Variants in EYS observed in about 807,000 individuals in gnomAD.
EYS encodes protein eyes shut homolog.
A neutral mutation model predicts 282.1 loss-of-function variants in EYS; 250 were observed. The ratio of observed to expected loss-of-function variants is 0.89; its 90% CI spans 0.80 to 0.98. The LOEUF (loss-of-function observed/expected upper bound fraction) is 0.98. EYS is among the 50% of genes least tolerant of loss of function. The pLI is 0.00. For missense variants in EYS, 4,016 were observed against 3,709.0 expected, an observed-to-expected ratio of 1.08 and a Z score of -2.15; for synonymous variants, 1,355 against 1,282.9, an observed-to-expected ratio of 1.06 and a Z score of -1.20.
chr6:65,325,157 C>T (rs1307343381), intron 11 of EYS, among the ~76,000 whole-genome samples: 1 of 151,908 alleles, frequency 6.6e-6, no homozygotes. Flanking sequence ...ATAAACTTCT[C>T]CTCCTCCTCC....
In EYS at chr6:65,281,700, C is replaced by T. The variant is rs560957768; in HGVS notation, c.2023+14163G>A. 5.1e-4 allele frequency among the ~76,000 whole-genome samples: 78 copies of T among 152,172 alleles called. 1 individual carries two copies. Among genetic ancestry groups the T allele is most frequent in the African/African-American group, 1.8e-3 (76 of 41,546 alleles). ...GAGAGAGAAAAACCATATATTTCTA[C>T]TAGGCCTCATATCAGAAAGAGAATA... On this transcript the variant is annotated intron_variant, in intron 12 of 42. Transcript: ENST00000503581.
rs577867856 is a variant in EYS, at chr6:63,848,171, T to C, written c.7228+16015A>G. Among the ~76,000 whole-genome samples, 3 of 152,244 alleles carry C rather than the reference T, an allele frequency of 2.0e-5. No individual in the cohort carries two copies. In the South Asian group the frequency reaches 6.2e-4, roughly 32 times the overall value. On this transcript the variant is annotated intron_variant, in intron 36 of 42. Coordinates refer to ENST00000503581, the MANE Select transcript of EYS (RefSeq NM_001142800.2). ...CCGTAAAACATACATGCATGTTTAA[T>C]CCTTGACTTTTTACGATGAGATTGC...
At chr6:64,693,705 G>T (rs1770478706) in intron 22 of EYS, among the ~76,000 whole-genome samples, 1 of 151,914 alleles carries the variant, frequency 6.6e-6, no homozygotes, top group Non-Finnish European at 1.5e-5. Context: ...ATGTCTTGAG[G>T]GTTGGGAACG....
Position 64,114,035 on chromosome 6 carries a change from A to G in EYS, c.6425-32033T>C, listed in dbSNP as rs554142148. Among the ~76,000 whole-genome samples the G allele has an allele frequency of 5.9e-5, 9 of 152,310 alleles. No individual in the cohort carries two copies. The East Asian group carries it at 1.7e-3, about 29-fold the overall frequency. On this transcript the variant is annotated intron_variant, in intron 31 of 42. Transcript: ENST00000503581. The stretch of plus-strand genomic sequence containing the variant: ...CCTGCTAAACCTAAAATAATTTACT[A>G]CCTGGCCCTTTACAGAAAAAAACTT...
intron 22 of EYS, among the ~76,000 whole-genome samples, chr6:64,626,621 C>T (rs1767619092): frequency 6.6e-6 from 1 of 152,112 alleles, no homozygotes; most frequent in Admixed American, 6.6e-5. Flanking sequence ...TAACATTATG[C>T]AGCCCTAAGT....
chr6:64,470,423 A>C (rs1355434840), intron 26 of EYS, among the ~76,000 whole-genome samples: 1 of 152,222 alleles, frequency 6.6e-6, no homozygotes, highest in African/African-American at 2.4e-5. Flanking sequence ...TTATTTAAAA[A>C]TAACTAAATA....
In EYS at chr6:64,229,960, GACA is replaced by G. The variant is rs141434127; in HGVS notation, c.6424+629_6424+631del. Among the ~76,000 whole-genome samples the G allele has an allele frequency of 2.5e-3, 386 of 152,276 alleles. 1 individual carries two copies. Among genetic ancestry groups the G allele is most frequent in the African/African-American group, 8.9e-3 (368 of 41,558 alleles). On this transcript the variant is annotated intron_variant, in intron 31 of 42. Coordinates refer to ENST00000503581, the MANE Select transcript of EYS (RefSeq NM_001142800.2). ...ATGACACTTCAGCTATCAGTGCAAG[GACA>G]ACAAGTCAGCTGCAGCATGACTTAA...
chr6:64,457,111 AATTT>A (rs1387522313), intron 26 of EYS, among the ~76,000 whole-genome samples: 1 of 151,756 alleles, frequency 6.6e-6, no homozygotes, highest in Non-Finnish European at 1.5e-5. Context: ...ACTTCCTTTC[AATTT>A]ATTTATTAAC....
chr6:63,860,525 G>A (rs567557738), intron 36 of EYS, among the ~76,000 whole-genome samples: 1 of 152,336 alleles, frequency 6.6e-6, no homozygotes, highest in South Asian at 2.1e-4. Context: ...AGCCAATTGT[G>A]AGACTTTTTG....
At chr6:64,585,114 T>C (rs1294362171) in intron 26 of EYS, among the ~76,000 whole-genome samples, 1 of 152,040 alleles carries the variant, frequency 6.6e-6, no homozygotes, top group African/African-American at 2.4e-5. Flanking sequence ...GTGGTGCGTA[T>C]ACATCATTGA....
chr6:65,360,902 T>A (rs1764678825), intron 8 of EYS, among the ~76,000 whole-genome samples: 1 of 152,058 alleles, frequency 6.6e-6, no homozygotes, highest in South Asian at 2.1e-4. Flanking sequence ...TCATTCTGGA[T>A]GAAGGCATGT....
At position 64,808,662 on chromosome 6, in the gene EYS, T is replaced by G. The variant is rs1764507799; in HGVS notation, c.3443+4716A>C. ...TCTTTCTTCATCAAAATACAACTCT[T>G]CTGTGTTGATATCTGTGCTAACTAC... is the stretch of plus-strand genomic sequence containing the variant. On this transcript the variant is annotated intron_variant, in intron 22 of 42. Coordinates refer to ENST00000503581, the MANE Select transcript of EYS (RefSeq NM_001142800.2). 2.6e-5 allele frequency among the ~76,000 whole-genome samples: 4 copies of G among 152,030 alleles called. No individual in the cohort carries two copies. In the South Asian group the frequency reaches 8.3e-4, roughly 31 times the overall value.
At chr6:64,290,048 C>G (rs2150365215) in intron 30 of EYS, among the ~76,000 whole-genome samples, 2 of 152,128 alleles carry the variant, frequency 1.3e-5, no homozygotes, top group Middle Eastern at 3.4e-3. Context: ...AGCTGAATGC[C>G]TTTGGGAATT....
At chr6:63,839,613 T>C (rs1055833643) in intron 36 of EYS, among the ~76,000 whole-genome samples, 1 of 152,176 alleles carries the variant, frequency 6.6e-6, no homozygotes, top group Non-Finnish European at 1.5e-5. Context: ...CCTCCCAAAG[T>C]GCTGACATTA....
At chr6:64,973,835 T>C (rs1770381722) in intron 14 of EYS, among the ~76,000 whole-genome samples, 1 of 152,050 alleles carries the variant, frequency 6.6e-6, no homozygotes, top group East Asian at 1.9e-4. Flanking sequence ...AAATGGGCTT[T>C]ATTATAATTT....
rs554145540 is a variant in EYS at position 64,454,838 on chromosome 6, T to G, written c.5645-15486A>C. Among the ~76,000 whole-genome samples, 4 of 152,302 alleles carry G rather than the reference T, an allele frequency of 2.6e-5. No homozygotes were observed. The East Asian group carries it at 7.7e-4, about 29-fold the overall frequency. On this transcript the variant is annotated intron_variant, in intron 26 of 42. Coordinates refer to ENST00000503581, the MANE Select transcript of EYS (RefSeq NM_001142800.2). ...CCTTGTGATATTTTATCTTCTTGTA[T>G]GTGGATACGGTAGATGTCTCCCTTA...
At chr6:64,610,515 T>G (rs1014841353) in intron 24 of EYS, among the ~76,000 whole-genome samples, 3 of 151,412 alleles carry the variant, frequency 2.0e-5, no homozygotes, top group African/African-American at 7.3e-5. Context: ...GCGATCCTTG[T>G]GCATTGGCCT....
intron 5 of EYS, among the ~76,000 whole-genome samples, chr6:65,487,587 T>A (rs1444546707): frequency 6.6e-6 from 1 of 152,202 alleles, no homozygotes; most frequent in African/African-American, 2.4e-5. Flanking sequence ...AGTATTTTAC[T>A]GAGGATTTTT....
intron 35 of EYS, among the ~76,000 whole-genome samples, chr6:63,887,314 G>GTTTTTTTTTTTTTTTTTTT (rs35622877): frequency 8.3e-6 from 1 of 120,236 alleles, no homozygotes. Context: ...AATAAAAGGT[G>GTTTTTTTTTTTTTTTTTTT]TTTTTTTTTT....
Sources: gnomAD v4.1 joint callset for allele counts (sites outside exome capture counted in the v4.1 genomes callset) on GRCh38, gnomAD v4.1.1 for gene constraint, MANE v1.5 for transcripts, NCBI Gene and HGNC (gene_info 2026-07-23, HGNC 2026-07-21) for gene names.